Variants in ZNF831 observed in about 807,000 individuals in gnomAD.
The protein encoded by ZNF831 is zinc finger protein 831, also known as chromosome 20 open reading frame 174.
ZNF831 carries 59 observed loss-of-function variants against 95.8 expected under a neutral mutation model. The ratio of observed to expected loss-of-function variants is 0.62; its 90% CI spans 0.50 to 0.77. The LOEUF is 0.77. ZNF831 is among the 30% of genes least tolerant of loss of function. ZNF831 has a pLI of 0.00. For synonymous variants in ZNF831, 961 were observed against 925.5 expected, an observed-to-expected ratio of 1.04 and a Z score of -0.70; for missense variants, 2,205 against 2,164.0, an observed-to-expected ratio of 1.02 and a Z score of -0.38.
At chr20:59,221,036 C>G (rs1986039305) in intron 4 of ZNF831, among the ~76,000 whole-genome samples, 1 of 152,166 alleles carries the variant, frequency 6.6e-6, no homozygotes, top group Non-Finnish European at 1.5e-5. Context: ...CTCATTTGCC[C>G]TTGAGATTGA....
rs1312023990 is a variant in ZNF831 at position 59,191,296 on chromosome 20, C to A, written c.277C>A (p.Pro93Thr). The A allele has an allele frequency of 6.3e-7, 1 of 1,589,114 alleles. No homozygotes were observed. The highest frequency in any genetic ancestry group is 8.6e-7 in the Non-Finnish European group (1 of 1,168,062). Residue 93 changes from proline (P) to threonine (T), a missense_variant, in exon 2 of 6, where the codon CCT becomes ACT. Pro to Thr is a conservative substitution (Grantham distance 38). Transcript: ENST00000371030. Reference protein sequence around the residue: ...DGGNVPFILSPVLQPEGPGPT... With the variant: ...DGGNVPFILSTVLQPEGPGPT... The stretch of plus-strand genomic sequence containing the variant: ...GGGCAACGTGCCCTTCATACTCAGC[C>A]CTGTGCTGCAGCCTGAAGGGCCTGG...
rs753979009 is a variant in ZNF831 at position 59,211,065 on chromosome 20, A to AAAAAAAAAAAAAC, written c.4027+4009_4027+4010insAAAAAAAAAAAAC. ...AAAAAAAAAGAAAAAAAAAAAAAAA[A>AAAAAAAAAAAAAC]CAAATCCAAGGAGAAAAAAAAATTC... is the stretch of plus-strand genomic sequence containing the variant. On this transcript the variant is annotated intron_variant, in intron 4 of 5. Coordinates refer to ENST00000371030, the MANE Select transcript of ZNF831 (RefSeq NM_178457.3). Among the ~76,000 whole-genome samples the AAAAAAAAAAAAAC allele has an allele frequency of 5.2e-3, 406 of 77,442 alleles. 50 individuals are homozygous for AAAAAAAAAAAAAC. The highest frequency in any genetic ancestry group is 0.03 in the African/African-American group (368 of 12,452). 50.8% of individuals were successfully genotyped at this position (77,442 alleles called of 152,430 possible). A position where few individuals can be genotyped will look rare whatever the true frequency, so the allele number is the denominator to read the frequency against.
At chr20:59,202,222 G>A (rs981922144) in intron 3 of ZNF831, among the ~76,000 whole-genome samples, 10 of 150,768 alleles carry the variant, frequency 6.6e-5, no homozygotes, top group African/African-American at 2.4e-4. Flanking sequence ...AAGTTCAATT[G>A]TTGATGTGAA....
At chr20:59,240,038 G>C (rs1448586870) in intron 4 of ZNF831, among the ~76,000 whole-genome samples, 1 of 152,130 alleles carries the variant, frequency 6.6e-6, no homozygotes, top group African/African-American at 2.4e-5. Flanking sequence ...GGAAGTGGAA[G>C]CGTGGAAGAC....
chr20:59,249,861 A>C (rs1481504856), intron 4 of ZNF831, among the ~76,000 whole-genome samples: 1 of 152,142 alleles, frequency 6.6e-6, no homozygotes, highest in Non-Finnish European at 1.5e-5. Context: ...GAGGTTAGTA[A>C]TTAAAGGTGT....
chr20:59,234,518 C>T (rs987849449), intron 4 of ZNF831, among the ~76,000 whole-genome samples: 7 of 152,258 alleles, frequency 4.6e-5, no homozygotes, highest in African/African-American at 1.7e-4. Context: ...GTTGATTTCA[C>T]GGCCTATCAG....
upstream of ZNF831, among the ~76,000 whole-genome samples, chr20:59,159,242 G>A (rs148331548): frequency 6.6e-6 from 1 of 151,954 alleles, no homozygotes; most frequent in Non-Finnish European, 1.5e-5. Context: ...CAAAGTCCTG[G>A]TGGGGCTGAG....
At chr20:59,245,241 CTAAT>C (rs776305036) in intron 4 of ZNF831, among the ~76,000 whole-genome samples, 13 of 152,188 alleles carry the variant, frequency 8.5e-5, no homozygotes, top group Middle Eastern at 3.2e-3. Flanking sequence ...GTTTTGAAAA[CTAAT>C]TAGTTATGAA....
Position 59,254,932 on chromosome 20 carries a change from T to C in ZNF831, c.*189T>C. ...CAACTCAGCCGCAGCGTTCCCCAGC[T>C]CCCCTTGGGAGTGCTCTGCTCATCT... On this transcript the variant is annotated 3_prime_UTR_variant, in exon 6 of 6. Transcript: ENST00000371030. This position sits in a 1 kb window ranked among gnomAD's most constrained non-coding sequence, Gnocchi z 4.5. The C allele has an allele frequency of 1.4e-6, 1 of 709,638 alleles. No individual in the cohort carries two copies. The highest frequency in any genetic ancestry group is 3.1e-5 in the Admixed American group (1 of 32,720). 44.0% of individuals were successfully genotyped at this position (709,638 alleles called of 1,614,324 possible).
At chr20:59,203,457 C>A (rs1984669133) in intron 3 of ZNF831, among the ~76,000 whole-genome samples, 1 of 152,158 alleles carries the variant, frequency 6.6e-6, no homozygotes, top group Admixed American at 6.5e-5. Context: ...GCTGGGAGTA[C>A]AGGCATGCAC....
intron 3 of ZNF831, among the ~76,000 whole-genome samples, chr20:59,205,736 C>T (rs1984848272): frequency 1.3e-5 from 2 of 152,174 alleles, no homozygotes; most frequent in South Asian, 2.1e-4. Flanking sequence ...GAAGGGATTA[C>T]TTGTGGCTTG....
chr20:59,198,272 T>C (rs1289155815), intron 3 of ZNF831, among the ~76,000 whole-genome samples: 1 of 152,216 alleles, frequency 6.6e-6, no homozygotes, highest in Non-Finnish European at 1.5e-5. Context: ...TCTAAAACTT[T>C]TGGCACTTAG....
At chr20:59,235,471 A>T (rs1235015444) in intron 4 of ZNF831, among the ~76,000 whole-genome samples, 1 of 152,120 alleles carries the variant, frequency 6.6e-6, no homozygotes, top group Non-Finnish European at 1.5e-5. Context: ...TGCAGGGTGC[A>T]ATTAGTGTTT....
intron 1 of ZNF831, among the ~76,000 whole-genome samples, chr20:59,187,732 C>T (rs79878435): frequency 7.4e-4 from 113 of 152,252 alleles, no homozygotes; most frequent in African/African-American, 2.6e-3. Context: ...TACAAACTAC[C>T]ACCTCTGTCT....
At chr20:59,146,497 A>C (rs2146449223) in intron 2 of ZNF831, 1 of 152,356 alleles carries the variant, frequency 6.6e-6, no homozygotes, top group Non-Finnish European at 1.5e-5. Flanking sequence ...GGCAAGCATG[A>C]TGGATGATTC....
In ZNF831 at chr20:59,208,797, G is replaced by A. The variant is rs1985086198; in HGVS notation, c.4027+1741G>A. 6.6e-6 allele frequency among the ~76,000 whole-genome samples: 1 copy of A among 152,162 alleles called. No homozygotes were observed. Among genetic ancestry groups the A allele is most frequent in the Non-Finnish European group, 1.5e-5 (1 of 68,028 alleles). ...ACCCCTGCTGAGACGCTGGCAGAGA[G>A]CTGGTAGCCCCCGCTACCTGGGAGG... On this transcript the variant is annotated intron_variant, in intron 4 of 5. Coordinates refer to ENST00000371030, the MANE Select transcript of ZNF831 (RefSeq NM_178457.3). The surrounding 1 kb of genome is among the most constrained non-coding windows in gnomAD (Gnocchi z 4.2).
At chr20:59,164,664 G>A (rs954257500) in intron 1 of ZNF831, among the ~76,000 whole-genome samples, 1 of 152,136 alleles carries the variant, frequency 6.6e-6, no homozygotes, top group Non-Finnish European at 1.5e-5. Flanking sequence ...ATTTGATAGA[G>A]CTACTATTTA....
At chr20:59,247,178 C>T (rs867174652) in intron 4 of ZNF831, among the ~76,000 whole-genome samples, 2 of 152,150 alleles carry the variant, frequency 1.3e-5, no homozygotes, top group Non-Finnish European at 2.9e-5. Flanking sequence ...CTTAGAAAGC[C>T]ATCCAGGACA....
At chr20:59,224,467 G>C (rs767909806) in intron 4 of ZNF831, among the ~76,000 whole-genome samples, 1 of 152,148 alleles carries the variant, frequency 6.6e-6, no homozygotes, top group African/African-American at 2.4e-5. Context: ...CTGATGCCCT[G>C]ATCATCTGAT....
Sources: allele counts gnomAD v4.1 joint callset (sites outside exome capture counted in the v4.1 genomes callset), GRCh38; gene constraint gnomAD v4.1.1; non-coding constraint Gnocchi (gnomAD v3.1); transcripts MANE v1.5; gene names NCBI Gene and HGNC (gene_info 2026-07-23, HGNC 2026-07-21).